Variants in AFG2A observed in about 807,000 individuals in gnomAD.
The protein encoded by AFG2A is ATPase family gene 2 protein homolog A.
At chr4:122,979,279 G>C in the AFG2A span, 1 of 1,614,202 alleles carries the variant, frequency 6.2e-7, no homozygotes, top group Non-Finnish European at 8.5e-7. Context: ...TAACCTCCCT[G>C]ATGTCAAGGT....
the AFG2A span, chr4:123,318,059 T>A: frequency 6.6e-6 from 1 of 152,226 alleles, no homozygotes; most frequent in African/African-American, 2.4e-5. Context: ...CGTGATAATT[T>A]TTAAAAGATG....
At chr4:123,044,737 T>C in the AFG2A span, among the ~76,000 whole-genome samples, 1 of 152,100 alleles carries the variant, frequency 6.6e-6, no homozygotes, top group East Asian at 1.9e-4. Context: ...TTAATATTGT[T>C]GTTATTAAGG....
chr4:123,225,307 T>A, the AFG2A span, among the ~76,000 whole-genome samples: 11 of 152,200 alleles, frequency 7.2e-5, no homozygotes, highest in Admixed American at 5.9e-4. Context: ...CTGAATGGTG[T>A]TGCCTAGGTT....
the AFG2A span, among the ~76,000 whole-genome samples, chr4:122,993,285 A>G: frequency 0.87 from 132,636 of 152,086 alleles, 58,144 homozygotes; most frequent in East Asian, 0.96. Flanking sequence ...GAACCACAGC[A>G]CCTAGCCGTC....
chr4:123,219,926 G>T, the AFG2A span, among the ~76,000 whole-genome samples: 1 of 151,824 alleles, frequency 6.6e-6, no homozygotes, highest in African/African-American at 2.4e-5. Flanking sequence ...CTGGAGTGCA[G>T]TGGTGAGATC....
chr4:123,245,936 C>A, the AFG2A span, among the ~76,000 whole-genome samples: 1 of 152,188 alleles, frequency 6.6e-6, no homozygotes, highest in African/African-American at 2.4e-5. Flanking sequence ...CTGAACTGCT[C>A]TGTGAAGCCT....
chr4:122,975,618 C>G, the AFG2A span, among the ~76,000 whole-genome samples: 1 of 152,212 alleles, frequency 6.6e-6, no homozygotes, highest in Non-Finnish European at 1.5e-5. Context: ...AGAGGGCTAC[C>G]TGACACCTGA....
chr4:123,119,732 T>A, the AFG2A span, among the ~76,000 whole-genome samples: 1 of 152,288 alleles, frequency 6.6e-6, no homozygotes, highest in East Asian at 1.9e-4. Flanking sequence ...TTCCTTGTAG[T>A]GACCAGTAAT....
At chr4:123,007,471 GTC>G in the AFG2A span, among the ~76,000 whole-genome samples, 1 of 150,372 alleles carries the variant, frequency 6.7e-6, no homozygotes, top group South Asian at 2.1e-4. Flanking sequence ...CACTCCCTCT[GTC>G]TCTGTACAGG....
chr4:123,079,032 G>C, the AFG2A span, among the ~76,000 whole-genome samples: 1 of 152,130 alleles, frequency 6.6e-6, no homozygotes, highest in Non-Finnish European at 1.5e-5. Flanking sequence ...GTTTTTATGA[G>C]GGGAATGGTG....
At chr4:123,008,133 A>G in the AFG2A span, among the ~76,000 whole-genome samples, 4 of 152,214 alleles carry the variant, frequency 2.6e-5, no homozygotes, top group East Asian at 1.9e-4. Flanking sequence ...CTGTACGAGA[A>G]GCATGGCACC....
the AFG2A span, among the ~76,000 whole-genome samples, chr4:123,262,075 C>T: frequency 6.6e-6 from 1 of 152,258 alleles, no homozygotes; most frequent in South Asian, 2.1e-4. Flanking sequence ...TGTGTCTGGC[C>T]TCTGTAGATA....
the AFG2A span, among the ~76,000 whole-genome samples, chr4:122,975,270 C>A: frequency 6.7e-6 from 1 of 150,112 alleles, no homozygotes. Flanking sequence ...CCTCACATAG[C>A]AGAAGGGTAA....
At chr4:123,254,453 C>T in the AFG2A span, among the ~76,000 whole-genome samples, 1 of 152,106 alleles carries the variant, frequency 6.6e-6, no homozygotes, top group Non-Finnish European at 1.5e-5. Context: ...TAGATACTCT[C>T]ACACTATCTT....
the AFG2A span, among the ~76,000 whole-genome samples, chr4:122,953,675 C>A: frequency 2.0e-5 from 3 of 152,262 alleles, no homozygotes; most frequent in African/African-American, 4.8e-5. Context: ...CTGACCAGAA[C>A]AGCATTAGGC....
At chr4:123,317,659 C>T in the AFG2A span, 1 of 152,098 alleles carries the variant, frequency 6.6e-6, no homozygotes, top group East Asian at 1.9e-4. Flanking sequence ...TTCATAGCAC[C>T]ATTATTTTTA....
At chr4:123,315,960 CAGAG>C in the AFG2A span, 3 of 151,858 alleles carry the variant, frequency 2.0e-5, no homozygotes, top group East Asian at 1.9e-4. Context: ...TTTTTTTAAA[CAGAG>C]AGACAGAGTC....
the AFG2A span, among the ~76,000 whole-genome samples, chr4:123,182,100 C>T: frequency 6.6e-6 from 1 of 152,090 alleles, no homozygotes; most frequent in Non-Finnish European, 1.5e-5. Flanking sequence ...ACTAACTCTG[C>T]CTACCTCTTA....
the AFG2A span, among the ~76,000 whole-genome samples, chr4:122,952,806 C>T: frequency 1.1e-4 from 16 of 152,272 alleles, no homozygotes; most frequent in South Asian, 6.2e-4. Flanking sequence ...TGACTCTCTG[C>T]GGCAATGGGG....
Sources: gnomAD v4.1 joint callset for allele counts (sites outside exome capture counted in the v4.1 genomes callset) on GRCh38, gnomAD v4.1.1 for gene constraint, MANE v1.5 for transcripts, NCBI Gene and HGNC (gene_info 2026-07-23, HGNC 2026-07-21) for gene names.